WDR24: variants seen among roughly 807,000 people sequenced by gnomAD.
WDR24 encodes WD repeat domain 24, also known as GATOR2 complex protein WDR24.
A neutral mutation model predicts 66.7 loss-of-function variants in WDR24; 32 were observed. The ratio of observed to expected loss-of-function variants is 0.48; its 90% confidence interval spans 0.36 to 0.64. WDR24 has a LOEUF of 0.64. Among genes scored for constraint, WDR24 ranks in the 30% least tolerant of loss-of-function variants. WDR24 has a pLI of 0.00. For synonymous variants in WDR24, 565 were observed against 469.1 expected (o/e 1.20, Z -2.64); for missense variants, 978 against 1,144.1 (o/e 0.85, Z 2.09).
chr16:685,682 G>C lies in WDR24; in HGVS notation c.1675C>G (p.His559Asp), dbSNP rs748604719. 1.2e-6 allele frequency: 2 copies of C among 1,612,986 alleles called. No homozygotes were observed. Among genetic ancestry groups the C allele is most frequent in the South Asian group, 2.2e-5 (2 of 91,090 alleles). Reference protein sequence around the residue: ...ELYLLDPEHAHPEDPECVLPQ... With the variant: ...ELYLLDPEHADPEDPECVLPQ... ...CCCTGCCCGGACCCCCACTCACGGT[G>C]CGCGTGTTCCGGATCCAGCAGGTAC... Residue 559 changes from histidine to aspartate, a missense_variant, in exon 6 of 9, where the codon CAC (histidine) becomes GAC (aspartate). Transcript: ENST00000293883.
At position 685,552 on chromosome 16, in the gene WDR24, C is replaced by T. The variant is rs540148322; in HGVS notation, c.1724G>A (p.Arg575His). ...CVLPQEAFPL[R>H]HEIVDTPPGP... ...GGGAGGCGTGTCCACGATCTCGTGG[C>T]GCAGCGGAAAGGCCTCCTGCGGCAG... is the stretch of plus-strand genomic sequence containing the variant. The change falls in exon 7 of 9, where the codon CGC becomes CAC. Residue 575 changes from arginine (R) to histidine (H), a missense_variant. Physicochemically the swap from Arg to His is conservative, Grantham distance 29. Around this residue, in one of 2 missense-constraint regions of WDR24, gnomAD observed 676 missense variants for 617.5 expected, o/e 1.09. Coordinates refer to ENST00000293883, the MANE Select transcript of WDR24 (RefSeq NM_032259.4). 9 of 1,585,560 alleles carry T rather than the reference C, an allele frequency of 5.7e-6. No homozygotes were observed. In the South Asian group the frequency reaches 1.0e-4, roughly 18 times the overall value.
rs1056947976 is a variant in WDR24 at position 687,992 on chromosome 16, C to T, written c.482-253G>A. ...GCGTCATTTGCCGTAGATTCTGCATCCTGCATCGGTCCATGAGCAAAGCTG... is the reference window on the plus strand; with the variant it reads ...GCGTCATTTGCCGTAGATTCTGCATTCTGCATCGGTCCATGAGCAAAGCTG... On this transcript the variant is annotated intron_variant, in intron 1 of 8. Transcript: ENST00000293883. 1.2e-5 allele frequency: 8 copies of T among 647,660 alleles called. No homozygotes were observed. In the Admixed American group the frequency reaches 1.5e-4, roughly 12 times the overall value. The allele number at this position is 647,660 out of a possible 1,614,324, so 40.1% of individuals were successfully genotyped here. A position where few individuals can be genotyped will look rare whatever the true frequency, so the allele number is the denominator to read the frequency against.
At position 689,535 on chromosome 16, in the gene WDR24, G is replaced by A. The variant is rs1377006369; in HGVS notation, c.106C>T (p.Arg36Cys). 3.1e-6 allele frequency: 5 copies of A among 1,613,216 alleles called. No homozygotes were observed. Among genetic ancestry groups the A allele is most frequent in the Non-Finnish European group, 4.2e-6 (5 of 1,180,030 alleles). The change falls in exon 1 of 9, where the codon CGC (arginine) becomes TGC (cysteine). Residue 36 changes from arginine to cysteine, a missense_variant. Physicochemically the swap from Arg to Cys is radical, Grantham distance 180. Around this residue, in one of 2 missense-constraint regions of WDR24, gnomAD observed 302 missense variants for 526.6 expected, o/e 0.57. Coordinates refer to ENST00000293883, the MANE Select transcript of WDR24 (RefSeq NM_032259.4). ...GCCACGACCACCTGGGCTGCGTCGC[G>A]GCACACACTGATGGCATTGGCGGGA... ...DAPANAISVC[R>C]DAAQVVVAGR...
chr16:688,445 G>A (rs953411323), intron 1 of WDR24, among the ~76,000 whole-genome samples: 4 of 152,206 alleles, frequency 2.6e-5, no homozygotes, highest in Non-Finnish European at 1.5e-5. Context: ...GTGCCACTGC[G>A]CCCAGCTAAT....
At chr16:687,509 G>A (rs980338976) in intron 2 of WDR24, 53 bp downstream of exon 2, 2 of 1,598,208 alleles carry the variant, frequency 1.3e-6, no homozygotes, top group African/African-American at 2.7e-5. Flanking sequence ...TCATGGATCT[G>A]AGGCAGTGAG....
Position 690,074 on chromosome 16 carries a change from G to A in WDR24, c.-434C>T, listed in dbSNP as rs200723829. On this transcript the variant is annotated 5_prime_UTR_variant, in exon 1 of 9. Coordinates refer to ENST00000293883, the MANE Select transcript of WDR24 (RefSeq NM_032259.4). ...CGCCGTCCACACTGTCAGCCCTGAG[G>A]GCGGCGGGGCTCTAGGGAGGAACAA... 2,516 of 466,030 alleles carry A rather than the reference G, an allele frequency of 5.4e-3. 15 individuals carry two copies. Among genetic ancestry groups the A allele is most frequent in the Non-Finnish European group, 8.3e-3 (1,931 of 233,648 alleles). 28.9% of individuals were successfully genotyped at this position (466,030 alleles called of 1,614,324 possible).
chr16:689,273 A>G lies in WDR24; in HGVS notation c.368T>C (p.Val123Ala). ...DQLFTEHKRTVNKVCFHPTEA... is the reference protein window; with the variant it reads ...DQLFTEHKRTANKVCFHPTEA... ...GGTGGGGTGGAAGCAGACTTTGTTT[A>G]CCGTGCGCTTGTGTTCTGTGAACAG... The change falls in exon 1 of 9, where the codon GTA becomes GCA. Residue 123 changes from valine to alanine, a missense_variant. Around this residue, in one of 2 missense-constraint regions of WDR24, gnomAD observed 302 missense variants for 526.6 expected, o/e 0.57. Transcript: ENST00000293883. The G allele has an allele frequency of 6.2e-7, 1 of 1,613,940 alleles. No individual in the cohort carries two copies. The highest frequency in any genetic ancestry group is 8.5e-7 in the Non-Finnish European group (1 of 1,180,016).
In WDR24 at chr16:690,189, C is replaced by T; in HGVS notation, c.-549G>A. 2.5e-6 allele frequency: 1 copy of T among 395,624 alleles called. No homozygotes were observed. Among genetic ancestry groups the T allele is most frequent in the Non-Finnish European group, 5.0e-6 (1 of 199,192 alleles). 24.5% of individuals were successfully genotyped at this position (395,624 alleles called of 1,614,324 possible). Reference sequence around the variant, plus strand: ...CAGAGGGACGTCAAGGACCGAGCTACTTAAGGAGCTCGAGGTGTCTGGCGG... The same window carrying T: ...CAGAGGGACGTCAAGGACCGAGCTATTTAAGGAGCTCGAGGTGTCTGGCGG... On this transcript the variant is annotated 5_prime_UTR_variant, in exon 1 of 9. Transcript: ENST00000293883.
At chr16:686,207 C>T (rs777985950) in intron 3 of WDR24, 21 bp from the exon 4 acceptor site, 8 of 1,610,146 alleles carry the variant, frequency 5.0e-6, no homozygotes, top group South Asian at 4.4e-5. Flanking sequence ...GCACTGGTCA[C>T]TTGTGGGCGT....
rs1321610172 is a variant in WDR24, at chr16:689,952, C to A, written c.-312G>T. 1 of 592,714 alleles carries A rather than the reference C, an allele frequency of 1.7e-6. No individual in the cohort carries two copies. Among genetic ancestry groups the A allele is most frequent in the South Asian group, 1.5e-5 (1 of 65,822 alleles). 36.7% of individuals were successfully genotyped at this position (592,714 alleles called of 1,614,324 possible). On this transcript the variant is annotated 5_prime_UTR_variant, in exon 1 of 9. An upstream open reading frame in the 5' UTR gains an earlier in-frame stop. Transcript: ENST00000293883. ...CCACGGAAGACTCTAGCTGGACATTCCCGGCCCAGGCCACCTCTCGGTACC... is the reference window on the plus strand; with the variant it reads ...CCACGGAAGACTCTAGCTGGACATTACCGGCCCAGGCCACCTCTCGGTACC...
chr16:687,700 C>T lies in WDR24; in HGVS notation c.521G>A (p.Arg174Gln). The T allele has an allele frequency of 1.2e-6, 2 of 1,613,542 alleles. No individual in the cohort carries two copies. The highest frequency in any genetic ancestry group is 2.2e-5 in the East Asian group (1 of 44,874). The part of the protein sequence containing the change: ...ESVRDVQFSI[R>Q]DYFTFASTFE... Reference sequence around the variant, plus strand: ...GGTGGAGGCGAAGGTGAAGTAGTCCCGGATACTGAACTGCACGTCCCGCAC... The same window carrying T: ...GGTGGAGGCGAAGGTGAAGTAGTCCTGGATACTGAACTGCACGTCCCGCAC... Residue 174 changes from arginine to glutamine, a missense_variant, in exon 2 of 9, where the codon CGG becomes CAG. By Grantham distance (43) the Arg-to-Gln change is conservative. Transcript: ENST00000293883.
In WDR24 at chr16:689,942, G is replaced by A; in HGVS notation, c.-302C>T. ...TGTCTGACTTCCACGGAAGACTCTA[G>A]CTGGACATTCCCGGCCCAGGCCACC... On this transcript the variant is annotated 5_prime_UTR_variant, in exon 1 of 9. Coordinates refer to ENST00000293883, the MANE Select transcript of WDR24 (RefSeq NM_032259.4). 1.6e-6 allele frequency: 1 copy of A among 618,050 alleles called. No homozygotes were observed. Among genetic ancestry groups the A allele is most frequent in the Non-Finnish European group, 3.0e-6 (1 of 331,218 alleles). The allele number at this position is 618,050 out of a possible 1,614,324, so 38.3% of individuals were successfully genotyped here.
intron 1 of WDR24, among the ~76,000 whole-genome samples, chr16:688,259 C>T (rs2039932162): frequency 6.6e-6 from 1 of 152,170 alleles, no homozygotes; most frequent in Admixed American, 6.5e-5. Context: ...GGTACCCAAC[C>T]TTCCTCCAGG....
intron 1 of WDR24, chr16:688,873 C>A (rs1247920588): frequency 1.3e-5 from 6 of 462,158 alleles, no homozygotes; most frequent in Non-Finnish European, 1.6e-5. Context: ...CTGCTCACCA[C>A]CCAGGCTGGC....
rs747343742 is a variant in WDR24 at position 685,381 on chromosome 16, A to T, written c.1895T>A (p.Phe632Tyr). 10 of 1,612,432 alleles carry T rather than the reference A, an allele frequency of 6.2e-6. No individual in the cohort carries two copies. The highest frequency in any genetic ancestry group is 8.5e-6 in the Non-Finnish European group (10 of 1,179,848). Residue 632 changes from phenylalanine to tyrosine, a missense_variant, in exon 7 of 9, where the codon TTC (phenylalanine) becomes TAC (tyrosine). Phe to Tyr is a conservative substitution (Grantham distance 22). Around this residue, in one of 2 missense-constraint regions of WDR24, gnomAD observed 676 missense variants for 617.5 expected, o/e 1.09. Transcript: ENST00000293883. Reference protein sequence around the residue: ...ALYDSRLPPDFFGVLVRDMLH... With the variant: ...ALYDSRLPPDYFGVLVRDMLH... ...CATGTCGCGCACCAGCACGCCGAAG[A>T]AGTCGGGCGGCAGGCGGCTGTCGTA...
In WDR24 at chr16:687,058, G is replaced by T. The variant is rs764653123; in HGVS notation, c.1018C>A (p.Pro340Thr). The change falls in exon 3 of 9, where the codon CCT becomes ACT. Residue 340 changes from proline to threonine, a missense_variant. This residue lies in a region of WDR24 where 302 missense variants were observed against 526.6 expected (regional missense o/e 0.57). Coordinates refer to ENST00000293883, the MANE Select transcript of WDR24 (RefSeq NM_032259.4). ...AAGAGGCCGTAGCAGAGGCCCTCAGGGTTGGCGCGCTCGACGGGCTGGCTG... is the reference window on the plus strand; with the variant it reads ...AAGAGGCCGTAGCAGAGGCCCTCAGTGTTGGCGCGCTCGACGGGCTGGCTG... The part of the protein sequence containing the change: ...DASQPVERAN[P>T]EGLCYGLFGD... 3 of 1,605,044 alleles carry T rather than the reference G, an allele frequency of 1.9e-6. No homozygotes were observed. Among genetic ancestry groups the T allele is most frequent in the Non-Finnish European group, 2.5e-6 (3 of 1,179,102 alleles).
rs779385555 is a variant in WDR24 at position 689,221 on chromosome 16, G to A, written c.420C>T (p.Ser140=). ...CAAAGCACTTCATGAAGCCATCCTG[G>A]GAGCCACTGAGCAGCACGTGGGCTT... ...PTEAHVLLSG[S]QDGFMKCFDL... is the part of the protein sequence containing the mutation. Residue 140 remains serine, a synonymous_variant, in exon 1 of 9, where the codon TCC becomes TCT. Transcript: ENST00000293883. The A allele has an allele frequency of 1.9e-6, 3 of 1,613,970 alleles. No homozygotes were observed. In the Admixed American group the frequency reaches 5.0e-5, roughly 27 times the overall value.
chr16:685,375 C>T lies in WDR24; in HGVS notation c.1901G>A (p.Gly634Asp), dbSNP rs1283312557. 1 of 1,612,244 alleles carries T rather than the reference C, an allele frequency of 6.2e-7. No individual in the cohort carries two copies. The highest frequency in any genetic ancestry group is 2.2e-5 in the East Asian group (1 of 44,880). Reference protein sequence around the residue: ...YDSRLPPDFFGVLVRDMLHFY... With the variant: ...YDSRLPPDFFDVLVRDMLHFY... ...GTGCAGCATGTCGCGCACCAGCACG[C>T]CGAAGAAGTCGGGCGGCAGGCGGCT... Residue 634 changes from glycine to aspartate, a missense_variant, in exon 7 of 9, where the codon GGC becomes GAC. Gly to Asp is a moderately conservative substitution (Grantham distance 94, BLOSUM62 -1). Transcript: ENST00000293883.
At chr16:685,847 A>T in intron 5 of WDR24, 22 bp downstream of exon 5, 1 of 1,610,962 alleles carries the variant, frequency 6.2e-7, no homozygotes. Context: ...TCCCATCAGC[A>T]CCCCTACCCA....
Sources: allele counts gnomAD v4.1 joint callset (sites outside exome capture counted in the v4.1 genomes callset), GRCh38; gene constraint gnomAD v4.1.1; regional missense constraint gnomAD v4.1.1; transcripts MANE v1.5; gene names NCBI Gene and HGNC (gene_info 2026-07-23, HGNC 2026-07-21).